Variants in A1CF observed in about 807,000 individuals in gnomAD.
A1CF encodes the protein APOBEC-1 stimulating protein.
A1CF carries 48 observed loss-of-function variants against 68.9 expected under a neutral mutation model. The observed-to-expected ratio is 0.70, with a 90% CI of 0.55 to 0.89. A1CF has a LOEUF of 0.89. A1CF is among the 40% of genes least tolerant of loss of function. The probability of loss-of-function intolerance (pLI) is 0.00; values close to 1 mark genes in which losing one functional copy is unlikely to be tolerated. For synonymous variants in A1CF, 272 were observed against 260.4 expected, an observed-to-expected ratio of 1.04 and a Z score of -0.43; for missense variants, 653 against 718.9, an observed-to-expected ratio of 0.91 and a Z score of 1.05.
chr10:50,826,652 A>T (rs1270207548), intron 7 of A1CF, among the ~76,000 whole-genome samples: 1 of 152,192 alleles, frequency 6.6e-6, no homozygotes, highest in Admixed American at 6.5e-5. Context: ...GGAAAGGAAT[A>T]ACCAGTACCA....
In A1CF at chr10:50,802,160, G is replaced by A. The variant is rs962440791; in HGVS notation, c.*4569C>T. On this transcript the variant is annotated 3_prime_UTR_variant, in exon 13 of 13. Transcript: ENST00000373997. ...TTTCCTTAGTTTCACTCATTATAGC[G>A]CAACTTACTTTGTTTTTCTAATGTT... 1.8e-4 allele frequency: 27 copies of A among 152,074 alleles called. No individual in the cohort carries two copies. Among genetic ancestry groups the A allele is most frequent in the Non-Finnish European group, 2.8e-4 (19 of 67,994 alleles). The allele number at this position is 152,074 out of a possible 1,614,324, so 9.4% of individuals were successfully genotyped here.
At chr10:50,815,723 A>G (rs2132335488) in intron 9 of A1CF, among the ~76,000 whole-genome samples, 1 of 152,346 alleles carries the variant, frequency 6.6e-6, no homozygotes, top group East Asian at 1.9e-4. Flanking sequence ...TAACAATTAT[A>G]GAACTAGGTT....
intron 5 of A1CF, 55 bp downstream of exon 5, chr10:50,841,807 A>G: frequency 6.3e-7 from 1 of 1,593,632 alleles, no homozygotes. Flanking sequence ...TGATAGAAAA[A>G]CAGACACAGG....
chr10:50,810,152 G>T, intron 11 of A1CF, 110 bp from the exon 12 acceptor site: 1 of 1,282,806 alleles, frequency 7.8e-7, no homozygotes. Flanking sequence ...GGTATTTTGA[G>T]TGGGTGTTTT....
At position 50,808,294 on chromosome 10, in the gene A1CF, A is replaced by C. The variant is rs560516956; in HGVS notation, c.1610-1414T>G. Among the ~76,000 whole-genome samples the C allele has an allele frequency of 1.1e-3, 161 of 152,346 alleles. 1 individual carries two copies. The highest frequency in any genetic ancestry group is 3.7e-3 in the African/African-American group (155 of 41,568). Reference sequence around the variant, plus strand: ...GGCTCTCAGATTCTTAGGCATTCCCAAGACAACACTCATGCCCTAAATATT... The same window carrying C: ...GGCTCTCAGATTCTTAGGCATTCCCCAGACAACACTCATGCCCTAAATATT... On this transcript the variant is annotated intron_variant, in intron 12 of 12. Coordinates refer to ENST00000373997, the MANE Select transcript of A1CF (RefSeq NM_014576.4).
At chr10:50,860,750 A>G (rs942536672) in intron 2 of A1CF, among the ~76,000 whole-genome samples, 1 of 152,234 alleles carries the variant, frequency 6.6e-6, no homozygotes, top group Non-Finnish European at 1.5e-5. Flanking sequence ...TTTTGGGAAC[A>G]TGATTTGAAT....
rs368886260 is a variant in A1CF, at chr10:50,806,852, G to C, written c.1638C>G (p.Pro546=). Residue 546 remains proline (P), a synonymous_variant, in exon 13 of 13, where the codon CCC becomes CCG. Transcript: ENST00000373997. The stretch of plus-strand genomic sequence containing the variant: ...CTTGCTTGAGCTGGGCTGCAGACAC[G>C]GGTGCAGTTGCATTAGGGACAGCAT... ...PGYAVPNATA[P]VSAAQLKQAV... 3 of 1,612,716 alleles carry C rather than the reference G, an allele frequency of 1.9e-6. No individual in the cohort carries two copies. Among genetic ancestry groups the C allele is most frequent in the East Asian group, 4.5e-5 (2 of 44,822 alleles).
At chr10:50,874,060 A>G (rs2132595928) in intron 1 of A1CF, among the ~76,000 whole-genome samples, 1 of 152,286 alleles carries the variant, frequency 6.6e-6, no homozygotes, top group Non-Finnish European at 1.5e-5. Flanking sequence ...TGCAAGGGGT[A>G]GAGGAGGCAT....
intron 3 of A1CF, among the ~76,000 whole-genome samples, chr10:50,851,769 A>G (rs1840255891): frequency 6.6e-6 from 1 of 152,192 alleles, no homozygotes; most frequent in African/African-American, 2.4e-5. Flanking sequence ...ATGGGATTGG[A>G]TGTTATTTAA....
chr10:50,816,201 T>A lies in A1CF; in HGVS notation c.946A>T (p.Thr316Ser). ...KDSYVRYTRG[T>S]GGRGTMLQGE... The stretch of plus-strand genomic sequence containing the variant: ...TGCAGCATGGTGCCCCTTCCACCTG[T>A]GCCTCGGGTATACCTAACATAACTG... Residue 316 changes from threonine to serine, a missense_variant, in exon 9 of 13, where the codon ACA becomes TCA. Thr to Ser is a moderately conservative substitution (Grantham distance 58). Transcript: ENST00000373997. 1 of 1,613,794 alleles carries A rather than the reference T, an allele frequency of 6.2e-7. No homozygotes were observed. The highest frequency in any genetic ancestry group is 8.5e-7 in the Non-Finnish European group (1 of 1,179,834).
In A1CF at chr10:50,844,040, C is replaced by T; in HGVS notation, c.182G>A (p.Gly61Glu). The change falls in exon 4 of 13, where the codon GGA becomes GAA. Residue 61 changes from glycine (G) to glutamate (E), a missense_variant. Transcript: ENST00000373997. ...PPERGCEIFI[G>E]KLPRDLFEDE... is the part of the protein sequence containing the mutation. ...CTCAAAAAGGTCTCGGGGAAGTTTT[C>T]CAATAAAAATTTCACAGCCCCTTTC... The T allele has an allele frequency of 6.2e-7, 1 of 1,613,784 alleles. No homozygotes were observed. Among genetic ancestry groups the T allele is most frequent in the Non-Finnish European group, 8.5e-7 (1 of 1,179,846 alleles).
At chr10:50,860,190 A>G (rs1264470360) in intron 2 of A1CF, among the ~76,000 whole-genome samples, 1 of 151,458 alleles carries the variant, frequency 6.6e-6, no homozygotes, top group Non-Finnish European at 1.5e-5. Flanking sequence ...GAAATTTAGA[A>G]ACAAAAAAAA....
intron 4 of A1CF, among the ~76,000 whole-genome samples, chr10:50,842,518 G>A (rs974397958): frequency 3.3e-5 from 5 of 152,158 alleles, no homozygotes; most frequent in Non-Finnish European, 7.4e-5. Context: ...GGCGGAGGTG[G>A]GAGAATTGCT....
At chr10:50,819,073 T>A (rs1838512087) in intron 8 of A1CF, among the ~76,000 whole-genome samples, 1 of 152,076 alleles carries the variant, frequency 6.6e-6, no homozygotes, top group African/African-American at 2.4e-5. Flanking sequence ...CTTTGAGAGG[T>A]CACCTTGGGC....
At chr10:50,813,207 C>T (rs975713355) in intron 10 of A1CF, among the ~76,000 whole-genome samples, 11 of 152,110 alleles carry the variant, frequency 7.2e-5, no homozygotes, top group South Asian at 2.1e-4. Flanking sequence ...TTTTTAACCC[C>T]GGGAGTCAGT....
At chr10:50,810,351 A>T (rs1177868208) in intron 11 of A1CF, among the ~76,000 whole-genome samples, 2 of 152,224 alleles carry the variant, frequency 1.3e-5, no homozygotes, top group Non-Finnish European at 2.9e-5. Flanking sequence ...GGTAAAATTC[A>T]GGAGGTGATA....
chr10:50,819,714 C>T (rs1262413645), intron 8 of A1CF, among the ~76,000 whole-genome samples: 1 of 152,172 alleles, frequency 6.6e-6, no homozygotes, highest in African/African-American at 2.4e-5. Context: ...TTGCTCTTCT[C>T]AAATTCTGTG....
intron 1 of A1CF, among the ~76,000 whole-genome samples, chr10:50,875,534 T>G (rs1458811890): frequency 1.3e-5 from 2 of 152,170 alleles, no homozygotes; most frequent in African/African-American, 2.4e-5. Flanking sequence ...GCCTGAGCAG[T>G]TCTGTGAATT....
chr10:50,814,140 G>T (rs904159829), intron 9 of A1CF, 102 bp from the exon 10 acceptor site: 2 of 1,344,414 alleles, frequency 1.5e-6, no homozygotes, highest in Non-Finnish European at 2.1e-6. Context: ...GGAAAAGTTA[G>T]CCCAATTCAC....
Sources: gnomAD v4.1 joint callset for allele counts (sites outside exome capture counted in the v4.1 genomes callset) on GRCh38, gnomAD v4.1.1 for gene constraint, MANE v1.5 for transcripts, NCBI Gene and HGNC (gene_info 2026-07-23, HGNC 2026-07-21) for gene names.